The following SANBR variants were observed in gnomAD, a reference collection of about 807,000 sequenced individuals.
SANBR encodes the protein SANT and BTB domain regulator of CSR.
A neutral mutation model predicts 101.8 loss-of-function variants in SANBR; 77 were observed. That is an observed-to-expected ratio of 0.76 (90% confidence interval 0.63 to 0.91). The LOEUF is 0.91. Ranked by LOEUF, SANBR falls within the 40% of genes least tolerant of loss-of-function variation. The pLI is 0.00. For missense variants in SANBR, 875 were observed against 853.0 expected (o/e 1.03, Z -0.32); for synonymous variants, 279 against 274.7 (o/e 1.02, Z -0.15).
At chr2:61,068,393 T>G (rs1165028929) in intron 1 of SANBR, among the ~76,000 whole-genome samples, 1 of 152,234 alleles carries the variant, frequency 6.6e-6, no homozygotes, top group African/African-American at 2.4e-5. Context: ...TCTTGGAAAT[T>G]TTTGTGCCAA....
chr2:61,069,989 T>C lies in SANBR; in HGVS notation c.-9-353T>C, dbSNP rs560780126. Reference sequence around the variant, plus strand: ...ATTTTTACTTGGTTTGAATCCTTGCTCTGCCTCTTCTTAGCGCTGTGATCT... The same window carrying C: ...ATTTTTACTTGGTTTGAATCCTTGCCCTGCCTCTTCTTAGCGCTGTGATCT... On this transcript the variant is annotated intron_variant, in intron 2 of 21. Coordinates refer to ENST00000402291, the MANE Select transcript of SANBR (RefSeq NM_001129993.3). Among the ~76,000 whole-genome samples, 6 of 152,354 alleles carry C rather than the reference T, an allele frequency of 3.9e-5. No homozygotes were observed. The East Asian group carries it at 9.6e-4, about 24-fold the overall frequency.
intron 8 of SANBR, among the ~76,000 whole-genome samples, chr2:61,083,566 T>TAAA (rs573963696): frequency 7.1e-5 from 10 of 139,990 alleles, no homozygotes; most frequent in Admixed American, 1.4e-4. Flanking sequence ...CCAGCTAAAT[T>TAAA]AAAAAAAAAA....
chr2:61,134,374 G>C (rs879432624), intron 21 of SANBR: 1 of 1,202,106 alleles, frequency 8.3e-7, no homozygotes, highest in African/African-American at 1.5e-5. Context: ...CTTGGCTCAC[G>C]TTATTCCCCC....
intron 20 of SANBR, among the ~76,000 whole-genome samples, chr2:61,132,905 A>T (rs1315277868): frequency 6.6e-6 from 1 of 152,240 alleles, no homozygotes; most frequent in South Asian, 2.1e-4. Context: ...GACTCTATTT[A>T]TATAAAATAT....
intron 12 of SANBR, among the ~76,000 whole-genome samples, chr2:61,101,391 T>C (rs1383137082): frequency 6.6e-6 from 1 of 152,232 alleles, no homozygotes; most frequent in Non-Finnish European, 1.5e-5. Context: ...TTAGCTATCA[T>C]ATTTCTACAT....
At chr2:61,093,248 C>T (rs1003387496) in intron 11 of SANBR, 1 of 152,190 alleles carries the variant, frequency 6.6e-6, no homozygotes, top group African/African-American at 2.4e-5. Context: ...TCTTCTTTCT[C>T]TTTTTTTATT....
chr2:61,117,280 C>A, intron 17 of SANBR, 77 bp from the exon 18 acceptor site: 2 of 1,337,944 alleles, frequency 1.5e-6, no homozygotes, highest in Non-Finnish European at 2.1e-6. Context: ...TAAGAGTGAA[C>A]TCTTTTTATT....
chr2:61,108,412 A>G (rs1416944524), intron 15 of SANBR, 63 bp downstream of exon 15: 1 of 1,088,074 alleles, frequency 9.2e-7, no homozygotes, highest in Admixed American at 2.4e-5. Flanking sequence ...AGTTTAGTTT[A>G]ATAGAATCTT....
intron 15 of SANBR, 132 bp from the exon 16 acceptor site, chr2:61,109,065 G>A (rs1683698546): frequency 1.6e-5 from 7 of 437,326 alleles, no homozygotes; most frequent in Non-Finnish European, 2.8e-5. Flanking sequence ...CCTGGATATT[G>A]TGCTAGCCAG....
intron 16 of SANBR, among the ~76,000 whole-genome samples, chr2:61,113,486 A>G (rs1683932516): frequency 6.6e-6 from 1 of 151,988 alleles, no homozygotes; most frequent in Non-Finnish European, 1.5e-5. Context: ...TTTATATAGG[A>G]CTTCTTTAAT....
At chr2:61,127,750 G>A (rs1400744976), downstream of SANBR, among the ~76,000 whole-genome samples, 4 of 152,112 alleles carry the variant, frequency 2.6e-5, no homozygotes, top group East Asian at 3.9e-4. Flanking sequence ...CATTAAGCTC[G>A]CTAACATACA....
At chr2:61,084,440 CAA>C (rs1302601122) in intron 8 of SANBR, among the ~76,000 whole-genome samples, 2 of 151,970 alleles carry the variant, frequency 1.3e-5, no homozygotes, top group African/African-American at 4.8e-5. Context: ...AGATATTACT[CAA>C]GAGGCTGAGG....
At chr2:61,104,185 T>G (rs1271860649) in intron 13 of SANBR, among the ~76,000 whole-genome samples, 187 bp downstream of exon 13, 1 of 152,108 alleles carries the variant, frequency 6.6e-6, no homozygotes, top group East Asian at 1.9e-4. Context: ...GCAGCACACT[T>G]AAAAATACTG....
chr2:61,128,291 CCTTA>C (rs1397468895), downstream of SANBR, among the ~76,000 whole-genome samples: 7 of 150,088 alleles, frequency 4.7e-5, no homozygotes, highest in Admixed American at 6.6e-5. Flanking sequence ...AAAAAAGAAT[CCTTA>C]CTTACAAGAG....
intron 5 of SANBR, chr2:61,074,907 T>A (rs1681679708): frequency 1.3e-5 from 2 of 152,224 alleles, no homozygotes; most frequent in African/African-American, 4.8e-5. Flanking sequence ...TTTAAATTCT[T>A]TTGACTTTGA....
Position 61,071,611 on chromosome 2 carries a change from A to G in SANBR, c.156A>G (p.Ala52=), listed in dbSNP as rs755144011. Residue 52 remains alanine (A), a synonymous_variant, in exon 4 of 22, where the codon GCA becomes GCG. Transcript: ENST00000402291. ...LVPGLTPKEC[A]KRFDELKSSG... is the part of the protein sequence containing the mutation. ...TTCATTTTATATTATGACAGTGTGC[A>G]AAAAGGTTTGATGAATTAAAGAGCA... The G allele has an allele frequency of 1.3e-6, 2 of 1,549,522 alleles. No homozygotes were observed. The highest frequency in any genetic ancestry group is 1.7e-6 in the Non-Finnish European group (2 of 1,155,990).
At chr2:61,089,742 G>T (rs1271973605) in intron 10 of SANBR, 3 of 152,326 alleles carry the variant, frequency 2.0e-5, no homozygotes, top group Non-Finnish European at 2.9e-5. Context: ...TTCTCATTCT[G>T]AGTTGAGGGT....
chr2:61,066,161 C>A (rs1423426374), intron 1 of SANBR, 134 bp downstream of exon 1: 1 of 152,850 alleles, frequency 6.5e-6, no homozygotes, highest in African/African-American at 2.4e-5. Flanking sequence ...CCCAAACGCC[C>A]CCGAACGCCC....
intron 10 of SANBR, among the ~76,000 whole-genome samples, chr2:61,090,940 A>C (rs1573618597): frequency 1.5e-5 from 2 of 136,592 alleles, no homozygotes; most frequent in South Asian, 2.3e-4. Context: ...TTGGAGTCTC[A>C]CTCTGTCACC....
Sources: gnomAD v4.1 joint callset for allele counts (sites outside exome capture counted in the v4.1 genomes callset) on GRCh38, gnomAD v4.1.1 for gene constraint, MANE v1.5 for transcripts, NCBI Gene and HGNC (gene_info 2026-07-23, HGNC 2026-07-21) for gene names.